PRKN: variants seen among roughly 807,000 people sequenced by gnomAD.
The protein encoded by PRKN is parkin RBR E3 ubiquitin protein ligase.
A neutral mutation model predicts 59.5 loss-of-function variants in PRKN; 56 were observed. The ratio of observed to expected loss-of-function variants is 0.94; its 90% CI spans 0.76 to 1.18. PRKN has a LOEUF of 1.18. PRKN is among the 50% of genes most tolerant of loss of function. PRKN has a pLI of 0.00. For missense variants in PRKN, 657 were observed against 596.4 expected (o/e 1.10, Z -1.06); for synonymous variants, 250 against 222.1 (o/e 1.13, Z -1.12).
rs1785734339 is a variant in PRKN at position 161,376,984 on chromosome 6, GC to G, written c.1167+9809del. On this transcript the variant is annotated intron_variant, in intron 10 of 11. Coordinates refer to ENST00000366898, the MANE Select transcript of PRKN (RefSeq NM_004562.3). This position sits in a 1 kb window ranked among gnomAD's most constrained non-coding sequence, Gnocchi z 7.3. ...GAGCCTGTCACTGTTGGAAGAAAGT[GC>G]TGGAAGCTCTGAGTGGGGCCCCGAG... 6.6e-6 allele frequency among the ~76,000 whole-genome samples: 1 copy of G among 152,250 alleles called. No homozygotes were observed. The highest frequency in any genetic ancestry group is 1.5e-5 in the Non-Finnish European group (1 of 68,040).
chr6:161,923,662 G>C (rs77407668), intron 6 of PRKN, among the ~76,000 whole-genome samples: 1 of 152,026 alleles, frequency 6.6e-6, no homozygotes, highest in Non-Finnish European at 1.5e-5. Flanking sequence ...TAACTGTATT[G>C]TTATTGTTGC....
intron 1 of PRKN, among the ~76,000 whole-genome samples, chr6:162,587,248 G>T (rs1264242514): frequency 6.6e-6 from 1 of 152,062 alleles, no homozygotes; most frequent in African/African-American, 2.4e-5. Context: ...CAATTCTCCT[G>T]CCTCAGCCTC....
At chr6:162,300,966 G>A (rs1781915987) in intron 2 of PRKN, among the ~76,000 whole-genome samples, 1 of 150,890 alleles carries the variant, frequency 6.6e-6, no homozygotes. Flanking sequence ...ATGCACTAAA[G>A]AAGAATAGAT....
At chr6:162,662,943 G>A (rs1022076416) in intron 1 of PRKN, among the ~76,000 whole-genome samples, 3 of 152,118 alleles carry the variant, frequency 2.0e-5, no homozygotes, top group Admixed American at 6.6e-5. Context: ...GCAGAAGAGC[G>A]ATTGAAGCTG....
intron 7 of PRKN, among the ~76,000 whole-genome samples, chr6:161,620,615 C>T (rs906048885): frequency 6.6e-6 from 1 of 152,156 alleles, no homozygotes; most frequent in African/African-American, 2.4e-5. Flanking sequence ...TCCGAATCTC[C>T]ACTTTGCATC....
At chr6:162,136,762 T>C (rs751742627) in intron 4 of PRKN, among the ~76,000 whole-genome samples, 2 of 152,204 alleles carry the variant, frequency 1.3e-5, no homozygotes, top group African/African-American at 2.4e-5. Context: ...GAGTCATTTA[T>C]GTACTCATTA....
At chr6:162,696,559 C>T (rs1274489873) in intron 1 of PRKN, among the ~76,000 whole-genome samples, 9 of 108,530 alleles carry the variant, frequency 8.3e-5, no homozygotes, top group East Asian at 6.1e-4. Flanking sequence ...TCAGGAAAAA[C>T]TTTTTTTTTT....
chr6:162,618,515 C>G (rs1782522585), intron 1 of PRKN, among the ~76,000 whole-genome samples: 2 of 152,024 alleles, frequency 1.3e-5, no homozygotes, highest in East Asian at 1.9e-4. Flanking sequence ...CAAGCAGAAA[C>G]AAATCTATCC....
chr6:162,262,809 T>C (rs749548429), intron 2 of PRKN, 44 bp from the exon 3 acceptor site: 4 of 1,553,322 alleles, frequency 2.6e-6, no homozygotes, highest in African/African-American at 2.8e-5. Context: ...AAAAAGGAAA[T>C]GTCAAACATG....
intron 4 of PRKN, among the ~76,000 whole-genome samples, chr6:162,193,362 G>A (rs536644771): frequency 3.9e-5 from 6 of 152,170 alleles, no homozygotes; most frequent in Admixed American, 2.0e-4. Context: ...GATCAATGCT[G>A]GGTTTCTCCC....
chr6:162,512,661 A>T (rs1777681498), intron 1 of PRKN, among the ~76,000 whole-genome samples: 1 of 152,208 alleles, frequency 6.6e-6, no homozygotes, highest in South Asian at 2.1e-4. Flanking sequence ...CATCCACAAA[A>T]GCAGTAAGCA....
chr6:162,114,552 T>C (rs1780584090), intron 4 of PRKN, among the ~76,000 whole-genome samples: 1 of 152,112 alleles, frequency 6.6e-6, no homozygotes, highest in Non-Finnish European at 1.5e-5. Context: ...TTGTGATTTT[T>C]GTACATTGAT....
At chr6:161,937,319 G>A (rs1779395350) in intron 6 of PRKN, among the ~76,000 whole-genome samples, 1 of 152,090 alleles carries the variant, frequency 6.6e-6, no homozygotes, top group Non-Finnish European at 1.5e-5. Context: ...TTTGAAGTAT[G>A]CTTACATGTT....
intron 4 of PRKN, among the ~76,000 whole-genome samples, chr6:162,097,445 C>T (rs1779792664): frequency 6.6e-6 from 1 of 152,094 alleles, no homozygotes; most frequent in Admixed American, 6.6e-5. Context: ...GGTAATTTTC[C>T]CAAATACATA....
In PRKN at chr6:161,900,116, TAATAA is replaced by T. The variant is rs762480638; in HGVS notation, c.734+73181_734+73185del. Among the ~76,000 whole-genome samples the T allele has an allele frequency of 3.3e-3, 502 of 151,288 alleles. 3 individuals are homozygous for T. Among genetic ancestry groups the T allele is most frequent in the African/African-American group, 0.011 (474 of 41,280 alleles). ...ACAGAGTGAGATTCTGACTCAAAAA[TAATAA>T]AATAAAATAAAATAAAATAAAAATA... On this transcript the variant is annotated intron_variant, in intron 6 of 11. Transcript: ENST00000366898.
chr6:162,113,116 C>T (rs1780512369), intron 4 of PRKN, among the ~76,000 whole-genome samples: 1 of 152,148 alleles, frequency 6.6e-6, no homozygotes, highest in South Asian at 2.1e-4. Context: ...TGACATCCTC[C>T]TATAAAAGGA....
intron 7 of PRKN, among the ~76,000 whole-genome samples, chr6:161,698,231 A>C (rs1786103257): frequency 6.6e-6 from 1 of 152,290 alleles, no homozygotes; most frequent in Non-Finnish European, 1.5e-5. Flanking sequence ...AAATATGCAG[A>C]CAGGCTACAT....
At chr6:162,716,759 C>CGT (rs1778738633) in intron 1 of PRKN, among the ~76,000 whole-genome samples, 2 of 144,736 alleles carry the variant, frequency 1.4e-5, no homozygotes, top group Admixed American at 1.4e-4. Flanking sequence ...TACCCGCCTG[C>CGT]GCGCGCGCGC....
chr6:161,585,626 C>A (rs901322343), intron 7 of PRKN, among the ~76,000 whole-genome samples: 2 of 152,140 alleles, frequency 1.3e-5, no homozygotes, highest in Non-Finnish European at 2.9e-5. Context: ...TTTCTTGTCC[C>A]TGGAGTGGAT....
Sources: allele counts gnomAD v4.1 joint callset (sites outside exome capture counted in the v4.1 genomes callset), GRCh38; gene constraint gnomAD v4.1.1; non-coding constraint Gnocchi (gnomAD v3.1); transcripts MANE v1.5; gene names NCBI Gene and HGNC (gene_info 2026-07-23, HGNC 2026-07-21).